Variants in CFAP74 observed in about 807,000 individuals in gnomAD.
The protein encoded by CFAP74 is cilia and flagella associated protein 74.
Under a neutral mutation model 188.9 loss-of-function variants are expected in CFAP74, and 124 were observed. The observed-to-expected ratio is 0.66, with a 90% CI of 0.57 to 0.76. The LOEUF is 0.76. CFAP74 is among the 30% of genes least tolerant of loss of function. The pLI is 0.00. For synonymous variants in CFAP74, 956 were observed against 916.7 expected (o/e 1.04, Z -0.77); for missense variants, 2,198 against 2,165.2 (o/e 1.02, Z -0.30).
At chr1:1,946,520 GC>G (rs1653788248) in intron 19 of CFAP74, 81 bp from the exon 20 acceptor site, 1 of 1,442,090 alleles carries the variant, frequency 6.9e-7, no homozygotes, top group Non-Finnish European at 9.1e-7. Context: ...ATGGCATGTT[GC>G]TGCAAGGATG....
chr1:1,925,654 G>C (rs1461468175), intron 33 of CFAP74, 129 bp downstream of exon 33: 1 of 967,210 alleles, frequency 1.0e-6, no homozygotes, highest in Non-Finnish European at 1.5e-6. Context: ...AGGAGGGGTA[G>C]AGGGGGCCAC....
intron 1 of CFAP74, among the ~76,000 whole-genome samples, chr1:1,994,230 T>A (rs572891263): frequency 2.6e-5 from 4 of 151,580 alleles, no homozygotes; most frequent in Non-Finnish European, 5.9e-5. Context: ...AGACAGACAT[T>A]TAACATTGGG....
intron 1 of CFAP74, among the ~76,000 whole-genome samples, chr1:2,000,569 G>C (rs1397256273): frequency 6.6e-6 from 1 of 152,186 alleles, no homozygotes; most frequent in South Asian, 2.1e-4. Flanking sequence ...GTCTAAAACC[G>C]AGTTGATGGC....
intron 14 of CFAP74, among the ~76,000 whole-genome samples, chr1:1,961,583 C>T (rs999311366): frequency 6.6e-6 from 1 of 152,158 alleles, no homozygotes; most frequent in Non-Finnish European, 1.5e-5. Context: ...CTAAACCCAC[C>T]TCTGCACGCG....
intron 1 of CFAP74, among the ~76,000 whole-genome samples, chr1:1,999,298 A>G (rs948689782): frequency 2.0e-5 from 3 of 152,206 alleles, no homozygotes; most frequent in Admixed American, 6.6e-5. Flanking sequence ...GTTGCTGAAC[A>G]GCAGCCACGG....
rs543692878 is a variant in CFAP74, at chr1:1,999,645, C to T, written c.-20+4056G>A. Among the ~76,000 whole-genome samples, 5 of 151,814 alleles carry T rather than the reference C, an allele frequency of 3.3e-5. No homozygotes were observed. In the East Asian group the frequency reaches 5.8e-4, roughly 18 times the overall value. ...CAGCCTGGCCAACATGGTGAAACCC[C>T]GTCTCTACAAAAAATACAAAAATTA... On this transcript the variant is annotated intron_variant, in intron 1 of 38. Transcript: ENST00000682832.
rs959279614 is a variant in CFAP74 at position 1,943,015 on chromosome 1, C to T, written c.2487-859G>A. On this transcript the variant is annotated intron_variant, in intron 21 of 38. Transcript: ENST00000682832. ...GCGTCTGGGCACGCCAGCCTCTGCA[C>T]CCCTACTGCTGGGCCCCATGGGAGG... Among the ~76,000 whole-genome samples the T allele has an allele frequency of 2.6e-5, 4 of 151,140 alleles. No homozygotes were observed. The East Asian group carries it at 5.8e-4, about 22-fold the overall frequency.
At chr1:1,950,984 TAC>T (rs1260203061) in intron 18 of CFAP74, among the ~76,000 whole-genome samples, 1 of 152,216 alleles carries the variant, frequency 6.6e-6, no homozygotes, top group Non-Finnish European at 1.5e-5. Context: ...AACTTTTGTT[TAC>T]AGTGTGAGGA....
intron 1 of CFAP74, among the ~76,000 whole-genome samples, chr1:1,996,731 A>G (rs940124260): frequency 3.3e-5 from 5 of 151,470 alleles, no homozygotes; most frequent in African/African-American, 1.2e-4. Context: ...GACCAGCCTG[A>G]CCAACATGGT....
chr1:1,970,727 G>C lies in CFAP74; in HGVS notation c.978C>G (p.Ala326=), dbSNP rs762440114. The part of the protein sequence containing the change: ...RVQAEKKAIL[A]QGRDAFRHLV... The stretch of plus-strand genomic sequence containing the variant: ...GGTGCCTGAATGCATCCCTGCCCTG[G>C]GCCAGAATCGCCTTCTTCTCAGCCT... The change falls in exon 10 of 39, where the codon GCC becomes GCG. Residue 326 remains alanine, a synonymous_variant. Coordinates refer to ENST00000682832, the MANE Select transcript of CFAP74 (RefSeq NM_001304360.2). 1.9e-6 allele frequency: 3 copies of C among 1,614,010 alleles called. No individual in the cohort carries two copies. The highest frequency in any genetic ancestry group is 2.5e-6 in the Non-Finnish European group (3 of 1,180,006).
intron 13 of CFAP74, 152 bp from the exon 14 acceptor site, chr1:1,964,019 C>T (rs749539911): frequency 1.2e-5 from 8 of 664,768 alleles, no homozygotes; most frequent in African/African-American, 3.7e-5. Context: ...CTCCCAGAAT[C>T]GAGAAGGCCC....
In CFAP74 at chr1:1,931,458, C is replaced by A. The variant is rs1056524523; in HGVS notation, c.3012-1122G>T. On this transcript the variant is annotated intron_variant, in intron 25 of 38. Coordinates refer to ENST00000682832, the MANE Select transcript of CFAP74 (RefSeq NM_001304360.2). ...AAAAAAAAAAAAAAAAAAAAAAGTT[C>A]GGGCACAGTGGCTCACGCCTGTAAT... Among the ~76,000 whole-genome samples, 29 of 120,232 alleles carry A rather than the reference C, an allele frequency of 2.4e-4. No homozygotes were observed. The East Asian group carries it at 7.4e-3, about 31-fold the overall frequency. 78.9% of individuals were successfully genotyped at this position (120,232 alleles called of 152,430 possible). A position where few individuals can be genotyped will look rare whatever the true frequency, so the allele number is the denominator to read the frequency against.
chr1:1,975,220 G>A lies in CFAP74; in HGVS notation c.501-1022C>T, dbSNP rs938246292. On this transcript the variant is annotated intron_variant, in intron 6 of 38. Coordinates refer to ENST00000682832, the MANE Select transcript of CFAP74 (RefSeq NM_001304360.2). This position sits in a 1 kb window ranked among gnomAD's most constrained non-coding sequence, Gnocchi z 4.5. ...TCTCCCCACTGCAACACCCGGGGCA[G>A]GGGTCCCACCGCCTTGGCCCTCCGT... 6.6e-6 allele frequency among the ~76,000 whole-genome samples: 1 copy of A among 152,216 alleles called. No homozygotes were observed. The highest frequency in any genetic ancestry group is 1.5e-5 in the Non-Finnish European group (1 of 68,044).
chr1:1,954,937 T>C, intron 18 of CFAP74: 1 of 1,194,728 alleles, frequency 8.4e-7, no homozygotes, highest in Non-Finnish European at 1.1e-6. Flanking sequence ...CCACGAACGC[T>C]CCCAAGTGTG....
At chr1:1,981,632 C>T (rs1393444649) in intron 6 of CFAP74, among the ~76,000 whole-genome samples, 2 of 75,330 alleles carry the variant, frequency 2.7e-5, no homozygotes, top group Non-Finnish European at 2.5e-5. Context: ...CACGGGGGCA[C>T]GCAGGACACA....
chr1:1,934,155 A>G (rs1197279082), intron 25 of CFAP74, among the ~76,000 whole-genome samples: 1 of 152,230 alleles, frequency 6.6e-6, no homozygotes, highest in African/African-American at 2.4e-5. Flanking sequence ...GCCCCTCAGT[A>G]CTGGGTACAG....
Position 1,923,609 on chromosome 1 carries a change from G to A in CFAP74, c.4390-110C>T, listed in dbSNP as rs951791844. 1.9e-5 allele frequency: 29 copies of A among 1,515,130 alleles called. No homozygotes were observed. Among genetic ancestry groups the A allele is most frequent in the East Asian group, 6.8e-5 (3 of 43,970 alleles). 93.9% of individuals were successfully genotyped at this position (1,515,130 alleles called of 1,614,324 possible). ...GAAGCAGGGACGGCCTGGGGGCCCC[G>A]TGGGGCCCTGGACTCTGGTCTTTCC... On this transcript the variant is annotated intron_variant, in intron 35 of 38. Transcript: ENST00000682832. The surrounding 1 kb of genome is among the most constrained non-coding windows in gnomAD (Gnocchi z 6.3).
rs1235785949 is a variant in CFAP74 at position 1,925,955 on chromosome 1, G to A, written c.3949-17C>T. On this transcript the variant is annotated splice_polypyrimidine_tract_variant and intron_variant, in intron 32 of 38. Coordinates refer to ENST00000682832, the MANE Select transcript of CFAP74 (RefSeq NM_001304360.2). ...TTCTTGAGCCTAAAGAGACCACATC[G>A]CTCAGCCAGGAACCGATGTCTGCTG... The A allele has an allele frequency of 1.3e-6, 2 of 1,580,848 alleles. No individual in the cohort carries two copies. The highest frequency in any genetic ancestry group is 8.6e-7 in the Non-Finnish European group (1 of 1,163,496).
chr1:1,927,139 G>C (rs141468924), intron 28 of CFAP74, 111 bp from the exon 29 acceptor site: 1 of 1,297,840 alleles, frequency 7.7e-7, no homozygotes, highest in Non-Finnish European at 1.1e-6. Context: ...GTCCCAAGCT[G>C]TGGCTGTCCC....
Sources: gnomAD v4.1 joint callset for allele counts (sites outside exome capture counted in the v4.1 genomes callset) on GRCh38, gnomAD v4.1.1 for gene constraint, Gnocchi (gnomAD v3.1) non-coding constraint, MANE v1.5 for transcripts, NCBI Gene and HGNC (gene_info 2026-07-23, HGNC 2026-07-21) for gene names.